NEGR1: variants seen among roughly 807,000 people sequenced by gnomAD.
NEGR1 encodes the protein neuronal growth regulator 1.
Under a neutral mutation model 40.9 loss-of-function variants are expected in NEGR1, and 10 were observed. The observed-to-expected ratio is 0.24, with a 90% confidence interval of 0.15 to 0.42. The LOEUF (loss-of-function observed/expected upper bound fraction) is 0.42. NEGR1 is among the 10% of genes least tolerant of loss of function. The pLI, the probability that NEGR1 is intolerant of heterozygous loss-of-function variation, is 1.00. For missense variants in NEGR1, 352 were observed against 438.9 expected (o/e 0.80, Z 1.77); for synonymous variants, 185 against 166.8 (o/e 1.11, Z -0.84).
chr1:72,172,944 C>A (rs1652017761), intron 1 of NEGR1, among the ~76,000 whole-genome samples: 2 of 152,046 alleles, frequency 1.3e-5, no homozygotes, highest in South Asian at 4.1e-4. Context: ...ACCTTGTGCC[C>A]ACCTGAATAA....
intron 1 of NEGR1, among the ~76,000 whole-genome samples, chr1:72,232,288 C>T (rs1325620222): frequency 2.0e-5 from 3 of 151,078 alleles, no homozygotes; most frequent in East Asian, 2.0e-4. Context: ...ACCCGGGAGG[C>T]GGAGGTTGCA....
intron 4 of NEGR1, among the ~76,000 whole-genome samples, chr1:71,624,796 C>G (rs1433055785): frequency 6.6e-6 from 1 of 151,908 alleles, no homozygotes; most frequent in Non-Finnish European, 1.5e-5. Context: ...AATCCTACCC[C>G]CTTACTCTCA....
chr1:71,662,666 C>A (rs976849586), intron 4 of NEGR1, among the ~76,000 whole-genome samples: 1 of 151,032 alleles, frequency 6.6e-6, no homozygotes, highest in Non-Finnish European at 1.5e-5. Context: ...ATATTTATAA[C>A]GTCAAAATAT....
chr1:71,986,039 T>G (rs1646391210), intron 1 of NEGR1, among the ~76,000 whole-genome samples: 1 of 152,210 alleles, frequency 6.6e-6, no homozygotes, highest in African/African-American at 2.4e-5. Flanking sequence ...AAGGAAGGAA[T>G]ATCTTGAGTA....
intron 4 of NEGR1, among the ~76,000 whole-genome samples, chr1:71,655,326 C>T (rs1262171350): frequency 6.6e-6 from 1 of 152,100 alleles, no homozygotes; most frequent in African/African-American, 2.4e-5. Context: ...GATCAAACCA[C>T]ATGTATGAAA....
intron 1 of NEGR1, among the ~76,000 whole-genome samples, chr1:72,004,702 A>T (rs1286775686): frequency 6.6e-6 from 1 of 152,166 alleles, no homozygotes; most frequent in Non-Finnish European, 1.5e-5. Flanking sequence ...ATGGCAAAAT[A>T]AAAATAAAAT....
chr1:71,714,922 C>T (rs1203544639), intron 3 of NEGR1, among the ~76,000 whole-genome samples: 1 of 152,162 alleles, frequency 6.6e-6, no homozygotes, highest in East Asian at 1.9e-4. Context: ...TAGGCAGGGC[C>T]CCACTGAGGA....
At position 71,789,761 on chromosome 1, in the gene NEGR1, C is replaced by T. The variant is rs148882950; in HGVS notation, c.410-13464G>A. Among the ~76,000 whole-genome samples, 480 of 152,204 alleles carry T rather than the reference C, an allele frequency of 3.2e-3. 2 individuals are homozygous for T. The highest frequency in any genetic ancestry group is 6.8e-3 in the Middle Eastern group (2 of 294). ...GCTCTGGAGCTACCTCTCCAACCTG[C>T]TGAACTTTCTTGTTTTGAACACTCC... On this transcript the variant is annotated intron_variant, in intron 2 of 6. Transcript: ENST00000357731.
intron 6 of NEGR1, among the ~76,000 whole-genome samples, chr1:71,513,271 GA>G (rs1456948109): frequency 1.3e-5 from 2 of 152,142 alleles, no homozygotes; most frequent in Non-Finnish European, 2.9e-5. Context: ...GAGGAATACA[GA>G]AATCTACCCC....
In NEGR1 at chr1:71,687,737, C is replaced by T. The variant is rs948950366; in HGVS notation, c.667+10271G>A. On this transcript the variant is annotated intron_variant, in intron 4 of 6. Coordinates refer to ENST00000357731, the MANE Select transcript of NEGR1 (RefSeq NM_173808.3). The stretch of plus-strand genomic sequence containing the variant: ...ATACACAGTGATCCTCTCTTCTCAT[C>T]CTGCAGAGTTTACTATCTTTCTAAA... Among the ~76,000 whole-genome samples the T allele has an allele frequency of 3.3e-5, 5 of 152,176 alleles. No individual in the cohort carries two copies. In the East Asian group the frequency reaches 9.6e-4, roughly 29 times the overall value.
At chr1:71,765,567 T>C (rs1039630712) in intron 3 of NEGR1, among the ~76,000 whole-genome samples, 2 of 152,098 alleles carry the variant, frequency 1.3e-5, no homozygotes, top group African/African-American at 4.8e-5. Flanking sequence ...TTTGCACCAA[T>C]CTAATATGCC....
At chr1:71,990,677 G>A (rs1646441489) in intron 1 of NEGR1, among the ~76,000 whole-genome samples, 1 of 152,006 alleles carries the variant, frequency 6.6e-6, no homozygotes, top group African/African-American at 2.4e-5. Flanking sequence ...AATAGTCCTA[G>A]TCTACCAAAG....
intron 6 of NEGR1, among the ~76,000 whole-genome samples, chr1:71,545,061 T>C (rs931125353): frequency 8.6e-5 from 13 of 151,680 alleles, no homozygotes; most frequent in African/African-American, 3.1e-4. Context: ...TTAATTATTA[T>C]ATGCTGAGTG....
At chr1:71,790,839 A>C (rs1657090527) in intron 2 of NEGR1, among the ~76,000 whole-genome samples, 1 of 152,040 alleles carries the variant, frequency 6.6e-6, no homozygotes, top group Non-Finnish European at 1.5e-5. Context: ...ACCTTTGTAT[A>C]TGAGGAAGTA....
At chr1:71,767,638 A>G (rs1455581137) in intron 3 of NEGR1, among the ~76,000 whole-genome samples, 1 of 152,200 alleles carries the variant, frequency 6.6e-6, no homozygotes, top group African/African-American at 2.4e-5. Context: ...CAGAGGAGCA[A>G]TTCAAGATGG....
At chr1:71,538,957 T>G (rs985891483) in intron 6 of NEGR1, among the ~76,000 whole-genome samples, 1 of 151,714 alleles carries the variant, frequency 6.6e-6, no homozygotes, top group Non-Finnish European at 1.5e-5. Flanking sequence ...GTTATAATAG[T>G]TGGTTCAAAT....
intron 2 of NEGR1, among the ~76,000 whole-genome samples, chr1:71,800,404 G>A (rs937066702): frequency 6.6e-6 from 1 of 151,914 alleles, no homozygotes; most frequent in African/African-American, 2.4e-5. Flanking sequence ...TTGGTGTTTC[G>A]ATCATGAAGT....
intron 1 of NEGR1, among the ~76,000 whole-genome samples, chr1:72,263,257 ACT>A (rs528566374): frequency 1.3e-3 from 195 of 151,690 alleles, no homozygotes; most frequent in African/African-American, 4.4e-3. Flanking sequence ...TATTAAACAG[ACT>A]CTGCTAATCT....
rs35199461 is a variant in NEGR1 at position 71,491,374 on chromosome 1, TG to T, written c.941-83805del. ...TCCCCTGAGGATACCAAGGGACAAT[TG>T]TACTGAATGCAAGGAGGTTAATATT... On this transcript the variant is annotated intron_variant, in intron 6 of 6. Coordinates refer to ENST00000357731, the MANE Select transcript of NEGR1 (RefSeq NM_173808.3). Among the ~76,000 whole-genome samples, 860 of 152,078 alleles carry T rather than the reference TG, an allele frequency of 5.7e-3. 7 individuals are homozygous for T. Among genetic ancestry groups the T allele is most frequent in the Non-Finnish European group, 9.5e-3 (646 of 67,972 alleles).
Sources: gnomAD v4.1 joint callset for allele counts (sites outside exome capture counted in the v4.1 genomes callset) on GRCh38, gnomAD v4.1.1 for gene constraint, MANE v1.5 for transcripts, NCBI Gene and HGNC (gene_info 2026-07-23, HGNC 2026-07-21) for gene names.